Variants in TANC1 observed in about 807,000 individuals in gnomAD.
The protein encoded by TANC1 is protein TANC1.
In TANC1, 77 loss-of-function variants were observed where a neutral mutation model predicts 149.7. The ratio of observed to expected loss-of-function variants is 0.51; its 90% confidence interval spans 0.43 to 0.62. The LOEUF is 0.62. Ranked by LOEUF, TANC1 falls within the 20% of genes least tolerant of loss-of-function variation. The pLI, the probability that TANC1 is intolerant of heterozygous loss-of-function variation, is 0.00. For missense variants in TANC1, 1,985 were observed against 2,321.8 expected (o/e 0.85, Z 2.98); for synonymous variants, 854 against 925.0 (o/e 0.92, Z 1.39).
intron 4 of TANC1, among the ~76,000 whole-genome samples, chr2:159,119,641 G>T (rs1036941065): frequency 6.6e-6 from 1 of 152,162 alleles, no homozygotes; most frequent in Non-Finnish European, 1.5e-5. Context: ...CCTGAATGCT[G>T]AACACTGATA....
chr2:159,163,811 A>G (rs2054293722), intron 8 of TANC1, among the ~76,000 whole-genome samples: 1 of 123,988 alleles, frequency 8.1e-6, no homozygotes, highest in East Asian at 2.1e-4. Flanking sequence ...AAGAAAGTAT[A>G]AAAACTCTCC....
chr2:159,096,154 A>ATGCTTT (rs2046105145), intron 3 of TANC1, among the ~76,000 whole-genome samples: 1 of 152,190 alleles, frequency 6.6e-6, no homozygotes, highest in African/African-American at 2.4e-5. Context: ...ATGCTTTTTA[A>ATGCTTT]GAAGCAGGTA....
intron 2 of TANC1, among the ~76,000 whole-genome samples, chr2:159,019,494 C>T (rs2038601992): frequency 6.6e-6 from 1 of 152,012 alleles, no homozygotes; most frequent in African/African-American, 2.4e-5. Context: ...TATCTGTGGC[C>T]CACTACCTTC....
At chr2:159,190,638 G>A (rs1269185421) in intron 16 of TANC1, among the ~76,000 whole-genome samples, 5 of 151,972 alleles carry the variant, frequency 3.3e-5, no homozygotes, top group African/African-American at 9.7e-5. Flanking sequence ...TGCAACCTCC[G>A]CCTCCTGGGT....
At chr2:159,206,816 A>G (rs1445316133) in intron 19 of TANC1, among the ~76,000 whole-genome samples, 1 of 152,164 alleles carries the variant, frequency 6.6e-6, no homozygotes, top group African/African-American at 2.4e-5. Context: ...GCATGTAATG[A>G]AGTCCTCAGC....
intron 8 of TANC1, among the ~76,000 whole-genome samples, chr2:159,165,190 G>A (rs147398628): frequency 2.2e-4 from 34 of 152,254 alleles, no homozygotes; most frequent in Non-Finnish European, 3.8e-4. Flanking sequence ...TTTTCTGCTC[G>A]ATGTTCTTTA....
chr2:159,027,774 CCTT>C (rs770495245), intron 2 of TANC1, among the ~76,000 whole-genome samples: 2 of 152,194 alleles, frequency 1.3e-5, no homozygotes, highest in Non-Finnish European at 2.9e-5. Context: ...CTGAATGCCA[CCTT>C]CTGCATAATT....
intron 2 of TANC1, among the ~76,000 whole-genome samples, chr2:159,012,013 T>C (rs1345586918): frequency 1.3e-5 from 2 of 151,992 alleles, no homozygotes. Context: ...CTAGAGCTTC[T>C]AGGAAGGGGG....
At chr2:159,157,302 C>T (rs1435174433) in intron 7 of TANC1, among the ~76,000 whole-genome samples, 3 of 152,130 alleles carry the variant, frequency 2.0e-5, no homozygotes, top group African/African-American at 7.2e-5. Context: ...GGACTTTGTT[C>T]TCTGTGGTTG....
intron 2 of TANC1, among the ~76,000 whole-genome samples, chr2:159,009,409 A>C (rs765021914): frequency 5.9e-5 from 9 of 152,240 alleles, no homozygotes; most frequent in Non-Finnish European, 1.2e-4. Flanking sequence ...ATGGAATACT[A>C]TTTAGCCATA....
intron 1 of TANC1, among the ~76,000 whole-genome samples, chr2:158,973,860 T>C (rs1343756515): frequency 2.6e-5 from 4 of 152,228 alleles, no homozygotes; most frequent in African/African-American, 9.6e-5. Flanking sequence ...TCTGAATTGC[T>C]ATGTACACAG....
chr2:159,223,267 G>A (rs1019516833), intron 22 of TANC1, among the ~76,000 whole-genome samples: 7 of 152,148 alleles, frequency 4.6e-5, no homozygotes, highest in Non-Finnish European at 1.0e-4. Flanking sequence ...GGAAGCCATG[G>A]CCCTGCATGT....
intron 2 of TANC1, chr2:159,056,321 T>A (rs544033912): frequency 1.3e-4 from 21 of 160,916 alleles, no homozygotes; most frequent in Admixed American, 3.1e-4. Context: ...TTTATTTATT[T>A]TTTTTTTTGA....
intron 16 of TANC1, among the ~76,000 whole-genome samples, chr2:159,192,645 G>GT (rs1487079431): frequency 6.6e-6 from 1 of 151,864 alleles, no homozygotes; most frequent in Non-Finnish European, 1.5e-5. Flanking sequence ...GGTTTTTTTT[G>GT]TTTTTGTTTT....
At chr2:159,042,703 G>A (rs1489501278) in intron 2 of TANC1, among the ~76,000 whole-genome samples, 1 of 151,996 alleles carries the variant, frequency 6.6e-6, no homozygotes, top group African/African-American at 2.4e-5. Flanking sequence ...TATTTGAGCT[G>A]TACCTGGAGG....
At chr2:159,121,273 G>A (rs1317240461) in intron 4 of TANC1, among the ~76,000 whole-genome samples, 1 of 152,232 alleles carries the variant, frequency 6.6e-6, no homozygotes, top group Admixed American at 6.5e-5. Context: ...TGCCAAGGAG[G>A]CTGGGAAATG....
At chr2:159,186,464 A>G (rs1014593756) in intron 15 of TANC1, among the ~76,000 whole-genome samples, 5 of 152,150 alleles carry the variant, frequency 3.3e-5, no homozygotes, top group Middle Eastern at 3.2e-3. Context: ...CCAACATGGT[A>G]AAACCTTGTC....
At chr2:159,181,065 C>T (rs1182422972) in intron 14 of TANC1, among the ~76,000 whole-genome samples, 2 of 152,174 alleles carry the variant, frequency 1.3e-5, no homozygotes, top group Non-Finnish European at 2.9e-5. Context: ...AAATTTCAAC[C>T]CTCAGACAAA....
chr2:159,098,305 G>T (rs941325494), intron 4 of TANC1, among the ~76,000 whole-genome samples: 1 of 152,182 alleles, frequency 6.6e-6, no homozygotes. Context: ...GTAACGTGCT[G>T]TACAGGTTTG....
Sources: gnomAD v4.1 joint callset for allele counts (sites outside exome capture counted in the v4.1 genomes callset) on GRCh38, gnomAD v4.1.1 for gene constraint, MANE v1.5 for transcripts, NCBI Gene and HGNC (gene_info 2026-07-23, HGNC 2026-07-21) for gene names.